Variants in SLC26A1 observed in about 807,000 individuals in gnomAD.
The protein encoded by SLC26A1 is solute carrier family 26 member 1, also known as sulfate anion transporter 1.
Under a neutral mutation model 14.5 loss-of-function variants are expected in SLC26A1, and 18 were observed. The observed-to-expected ratio is 1.24, with a 90% CI of 0.86 to 1.84. The LOEUF (loss-of-function observed/expected upper bound fraction) is 1.84, where lower values mean the gene tolerates loss of function less well. Among genes scored for constraint, SLC26A1 ranks in the 40% most tolerant of loss-of-function variants. The pLI is 0.00. For synonymous variants in SLC26A1, 505 were observed against 492.0 expected, an observed-to-expected ratio of 1.03 and a Z score of -0.35; for missense variants, 1,049 against 1,020.0, an observed-to-expected ratio of 1.03 and a Z score of -0.39.
chr4:991,104 C>T (rs1184593961), intron 2 of SLC26A1, 24 bp downstream of exon 2: 1 of 1,519,696 alleles, frequency 6.6e-7, no homozygotes, highest in Non-Finnish European at 8.8e-7. Flanking sequence ...GGGCCCCTCC[C>T]TGTGCCCAAG....
Position 988,493 on chromosome 4 carries a change from C to T in SLC26A1, c.*340G>A, listed in dbSNP as rs914855128. 7.1e-6 allele frequency: 8 copies of T among 1,134,734 alleles called. No homozygotes were observed. The African/African-American group carries it at 1.3e-4, about 18-fold the overall frequency. The allele number at this position is 1,134,734 out of a possible 1,614,324, so 70.3% of individuals were successfully genotyped here. A position where few individuals can be genotyped will look rare whatever the true frequency, so the allele number is the denominator to read the frequency against. ...AGTCCTCTTGGCACCTTGGAGGCTG[C>T]ATGATGGCGGGGGACCCTTGTTCAA... On this transcript the variant is annotated 3_prime_UTR_variant, in exon 3 of 3. Coordinates refer to ENST00000398516, the MANE Select transcript of SLC26A1 (RefSeq NM_022042.4).
chr4:987,086 T>TGC, downstream of SLC26A1: 1 of 1,479,158 alleles, frequency 6.8e-7, no homozygotes, highest in Non-Finnish European at 8.9e-7. Flanking sequence ...CGCGTGGCCA[T>TGC]GCGTCCCCTG....
rs1347743645 is a variant in SLC26A1, at chr4:989,882, C to T, written c.1057G>A (p.Ala353Thr). ...LDAVALALVA[A>T]AFSISLAEMF... ...TCCGCCAGCGAGATGGAGAAGGCGG[C>T]AGCCACGAGGGCCAGGGCCACGGCA... The change falls in exon 3 of 3, where the codon GCC becomes ACC. Residue 353 changes from alanine (A) to threonine (T), a missense_variant. Physicochemically the swap from Ala to Thr is moderately conservative, Grantham distance 58. Coordinates refer to ENST00000398516, the MANE Select transcript of SLC26A1 (RefSeq NM_022042.4). The T allele has an allele frequency of 5.1e-6, 8 of 1,571,532 alleles. No individual in the cohort carries two copies. The highest frequency in any genetic ancestry group is 6.9e-6 in the Non-Finnish European group (8 of 1,159,390).
At chr4:986,042 G>A (rs1205386156), downstream of SLC26A1, among the ~76,000 whole-genome samples, 2 of 151,856 alleles carry the variant, frequency 1.3e-5, no homozygotes, top group African/African-American at 4.8e-5. Flanking sequence ...CCTCAATTTC[G>A]TGGGTAGCTG....
rs144567476 is a variant in SLC26A1 at position 989,070 on chromosome 4, G to A, written c.1869C>T (p.Asp623=). ...VIDCAPLLFL[D]AAGVSTLQDL... ...CCTGCAGCGTGCTCACACCGGCTGC[G>A]TCTAGGAACAGCAGCGGGGCGCAGT... The change falls in exon 3 of 3, where the codon GAC becomes GAT. Residue 623 remains aspartate, a synonymous_variant. Coordinates refer to ENST00000398516, the MANE Select transcript of SLC26A1 (RefSeq NM_022042.4). 2.9e-5 allele frequency: 46 copies of A among 1,591,096 alleles called. 1 individual carries two copies. In the Admixed American group the frequency reaches 4.9e-4, roughly 17 times the overall value.
intron 1 of SLC26A1, chr4:992,325 CCACCCCTCTGT>C (rs373978436): frequency 1.9e-4 from 78 of 406,796 alleles, no homozygotes; most frequent in African/African-American, 1.5e-3. Flanking sequence ...ACACCTCCAC[CCACCCCTCTGT>C]CACCTGCCCT....
Position 989,351 on chromosome 4 carries a change from C to G in SLC26A1, c.1588G>C (p.Gly530Arg). ...CGCACGCCGGGCTCAGGGACGAGGC[C>G]CTCGAACTCTGTGGCATCCTCGTAG... is the stretch of plus-strand genomic sequence containing the variant. ...AFYEDATEFE[G>R]LVPEPGVRVF... The change falls in exon 3 of 3, where the codon GGC (glycine) becomes CGC (arginine). Residue 530 changes from glycine to arginine, a missense_variant. Gly to Arg is a moderately radical substitution (Grantham distance 125, BLOSUM62 -2). Transcript: ENST00000398516. 6.3e-7 allele frequency: 1 copy of G among 1,598,292 alleles called. No homozygotes were observed. Among genetic ancestry groups the G allele is most frequent in the Non-Finnish European group, 8.5e-7 (1 of 1,172,974 alleles).
In SLC26A1 at chr4:991,313, G is replaced by A; in HGVS notation, c.391C>T (p.Leu131Phe). The A allele has an allele frequency of 6.2e-7, 1 of 1,612,822 alleles. No homozygotes were observed. Among genetic ancestry groups the A allele is most frequent in the Non-Finnish European group, 8.5e-7 (1 of 1,179,940 alleles). The change falls in exon 2 of 3, where the codon CTC (leucine) becomes TTC (phenylalanine). Residue 131 changes from leucine to phenylalanine, a missense_variant. Physicochemically the swap from Leu to Phe is conservative, Grantham distance 22 (BLOSUM62 0). Transcript: ENST00000398516. ...VSVGIFSLLC[L>F]MVGQVVDREL... ...CGGTCCACCACCTGCCCCACCATGAGGCAAAGCAGGCTGAAGATGCCCACG... is the reference window on the plus strand; with the variant it reads ...CGGTCCACCACCTGCCCCACCATGAAGCAAAGCAGGCTGAAGATGCCCACG...
Position 987,813 on chromosome 4 carries a change from C to T in SLC26A1, c.*1020G>A, listed in dbSNP as rs776561903. 2.5e-6 allele frequency: 4 copies of T among 1,612,406 alleles called. No homozygotes were observed. Among genetic ancestry groups the T allele is most frequent in the Non-Finnish European group, 3.4e-6 (4 of 1,179,862 alleles). ...CCGCCCCTTTGTTGTCCCCAGCCCC[C>T]CGCTGCCACACAGCCAGGCTGACCA... On this transcript the variant is annotated 3_prime_UTR_variant, in exon 3 of 3. Transcript: ENST00000398516.
chr4:991,886 C>T (rs1243676921), intron 1 of SLC26A1, 156 bp from the exon 2 acceptor site: 3 of 1,375,790 alleles, frequency 2.2e-6, no homozygotes, highest in Admixed American at 2.0e-5. Context: ...GGCCCCAGCC[C>T]CCTGCCCGGT....
Position 989,707 on chromosome 4 carries a change from C to T in SLC26A1, c.1232G>A (p.Arg411Gln), listed in dbSNP as rs758753898. The T allele has an allele frequency of 4.2e-5, 65 of 1,559,206 alleles. No individual in the cohort carries two copies. The highest frequency in any genetic ancestry group is 1.4e-4 in the South Asian group (12 of 84,840). The part of the protein sequence containing the change: ...KSLVKTATGC[R>Q]TQLSSVVSAT... ...GCTGACCACGCTGGACAGCTGTGTC[C>T]GGCAGCCAGTGGCTGTCTTCACCAG... The change falls in exon 3 of 3, where the codon CGG becomes CAG. Residue 411 changes from arginine (R) to glutamine (Q), a missense_variant. Coordinates refer to ENST00000398516, the MANE Select transcript of SLC26A1 (RefSeq NM_022042.4).
Position 990,175 on chromosome 4 carries a change from C to T in SLC26A1, c.764G>A (p.Gly255Asp). ...GTCGCACACGTTGGCCTGCCCGGCG[C>T]CGCGCAGCAGGCTCAGCCATGTGAG... is the stretch of plus-strand genomic sequence containing the variant. ...VVLTWLSLLR[G>D]AGQANVCDVV... Residue 255 changes from glycine (G) to aspartate (D), a missense_variant, in exon 3 of 3, where the codon GGC (glycine) becomes GAC (aspartate). Physicochemically the swap from Gly to Asp is moderately conservative, Grantham distance 94. Coordinates refer to ENST00000398516, the MANE Select transcript of SLC26A1 (RefSeq NM_022042.4). The T allele has an allele frequency of 6.4e-7, 1 of 1,560,448 alleles. No homozygotes were observed.
intron 2 of SLC26A1, 36 bp from the exon 3 acceptor site, chr4:990,398 G>A (rs1230421580): frequency 6.5e-7 from 1 of 1,534,152 alleles, no homozygotes; most frequent in South Asian, 1.2e-5. Flanking sequence ...GCAGGCGCCT[G>A]GCGGGAGCCA....
intron 1 of SLC26A1, chr4:992,206 C>T (rs534135913): frequency 1.1e-5 from 5 of 459,002 alleles, no homozygotes; most frequent in Admixed American, 7.0e-5. Flanking sequence ...CCAGCTGCTC[C>T]GTGTCCACCT....
Position 987,789 on chromosome 4 carries a change from C to G in SLC26A1, c.*1044G>C, listed in dbSNP as rs779331976. The G allele has an allele frequency of 6.2e-7, 1 of 1,611,654 alleles. No homozygotes were observed. The highest frequency in any genetic ancestry group is 2.2e-5 in the East Asian group (1 of 44,870). ...GCCATGCTGAGGCTCGGGACTGAGC[C>G]GCCCCTTTGTTGTCCCCAGCCCCCC... On this transcript the variant is annotated 3_prime_UTR_variant, in exon 3 of 3. Transcript: ENST00000398516.
At chr4:981,421 G>A (rs1017678255) in intron 2 of SLC26A1, among the ~76,000 whole-genome samples, 1 of 152,118 alleles carries the variant, frequency 6.6e-6, no homozygotes. Flanking sequence ...AAACCAGCCC[G>A]GGCAAGACAG....
At chr4:983,952 G>A (rs965780204), downstream of SLC26A1, among the ~76,000 whole-genome samples, 6 of 152,178 alleles carry the variant, frequency 3.9e-5, no homozygotes, top group Non-Finnish European at 5.9e-5. Flanking sequence ...AGCCTCCTGA[G>A]TAGCTGGGAT....
intron 2 of SLC26A1, 77 bp from the exon 3 acceptor site, chr4:990,439 G>A (rs1024506366): frequency 1.2e-5 from 16 of 1,386,244 alleles, no homozygotes; most frequent in East Asian, 9.9e-5. Flanking sequence ...GGCATGGCCC[G>A]AGGGGTGGTG....
In SLC26A1 at chr4:987,873, G is replaced by A. The variant is rs758452450; in HGVS notation, c.*960C>T. 1.2e-5 allele frequency: 19 copies of A among 1,611,924 alleles called. No individual in the cohort carries two copies. The highest frequency in any genetic ancestry group is 1.3e-5 in the African/African-American group (1 of 74,900). ...CAGCTGGGACCAGCAGCTCAACCTC[G>A]CCTATGTGGGCGCCGTCCCTCACCG... On this transcript the variant is annotated 3_prime_UTR_variant, in exon 3 of 3. Transcript: ENST00000398516.
Sources: allele counts gnomAD v4.1 joint callset (sites outside exome capture counted in the v4.1 genomes callset), GRCh38; gene constraint gnomAD v4.1.1; transcripts MANE v1.5; gene names NCBI Gene and HGNC (gene_info 2026-07-23, HGNC 2026-07-21).